AATF: variants seen among roughly 807,000 people sequenced by gnomAD.
The protein encoded by AATF is apoptosis antagonizing transcription factor.
A neutral mutation model predicts 63.7 loss-of-function variants in AATF; 48 were observed. The observed-to-expected ratio is 0.75, with a 90% CI of 0.60 to 0.96. The LOEUF is 0.96. Ranked by LOEUF, AATF falls within the 40% of genes least tolerant of loss-of-function variation. AATF has a pLI of 0.00. For synonymous variants in AATF, 258 were observed against 247.7 expected (o/e 1.04, Z -0.39); for missense variants, 639 against 685.7 (o/e 0.93, Z 0.76).
chr17:36,992,913 G>C (rs879685904), intron 8 of AATF, among the ~76,000 whole-genome samples: 1 of 152,196 alleles, frequency 6.6e-6, no homozygotes, highest in Non-Finnish European at 1.5e-5. Context: ...AATTGGAGTT[G>C]TTTCAGCCTT....
At chr17:37,051,043 G>A (rs1387904906) in intron 11 of AATF, 1 of 152,184 alleles carries the variant, frequency 6.6e-6, no homozygotes, top group Non-Finnish European at 1.5e-5. Context: ...CCAAAGTGCT[G>A]GGATTACATG....
chr17:36,984,849 G>T (rs1474330751), intron 4 of AATF, among the ~76,000 whole-genome samples: 1 of 151,350 alleles, frequency 6.6e-6, no homozygotes, highest in East Asian at 1.9e-4. Context: ...TGTTCAGCAG[G>T]CTGGACTCAA....
chr17:37,033,571 A>G (rs771473925), intron 11 of AATF, among the ~76,000 whole-genome samples: 3 of 152,184 alleles, frequency 2.0e-5, no homozygotes, highest in Admixed American at 6.5e-5. Flanking sequence ...AAGGTCTACT[A>G]TTTGCTAGAC....
intron 5 of AATF, among the ~76,000 whole-genome samples, chr17:36,988,087 G>A (rs1297880171): frequency 6.6e-6 from 1 of 152,192 alleles, no homozygotes. Flanking sequence ...GCCGAGGCAG[G>A]TGGATCACTG....
chr17:37,015,819 G>C (rs531560442), intron 8 of AATF, among the ~76,000 whole-genome samples: 1 of 152,320 alleles, frequency 6.6e-6, no homozygotes, highest in South Asian at 2.1e-4. Flanking sequence ...AGAGGTTTCA[G>C]AGATTAACAT....
At chr17:36,972,941 T>C (rs1038298476) in intron 4 of AATF, among the ~76,000 whole-genome samples, 1 of 152,172 alleles carries the variant, frequency 6.6e-6, no homozygotes. Flanking sequence ...TCATAATCAA[T>C]GCAAGTCAGA....
In AATF at chr17:36,989,265, CG is replaced by C; in HGVS notation, c.1169del (p.Arg390ProfsTer4). The C allele has an allele frequency of 6.2e-7, 1 of 1,611,966 alleles. No homozygotes were observed. Among genetic ancestry groups the C allele is most frequent in the South Asian group, 1.1e-5 (1 of 90,738 alleles). ...GTTGCAGGGTTTTGGTGCCTTTGAACGCTCAATCTTGACTCAGATCGACCAT... is the reference window on the plus strand; with the variant it reads ...GTTGCAGGGTTTTGGTGCCTTTGAACCTCAATCTTGACTCAGATCGACCAT... The part of the protein sequence containing the change: ...KLGKGFGAFE[R>X]SILTQIDHIL... On this transcript the variant is annotated frameshift_variant, in exon 7 of 12. Transcript: ENST00000619387. LOFTEE classifies it high-confidence loss of function.
chr17:37,053,296 C>A lies in AATF; in HGVS notation c.1620-3305C>A, dbSNP rs556245782. Among the ~76,000 whole-genome samples the A allele has an allele frequency of 4.0e-5, 6 of 151,876 alleles. No individual in the cohort carries two copies. In the East Asian group the frequency reaches 5.8e-4, roughly 15 times the overall value. ...TCACTAAAATTAGGATATATTATAT[C>A]ATATTATTATATATTGATTATATCC... On this transcript the variant is annotated intron_variant, in intron 11 of 11. Transcript: ENST00000619387.
At chr17:37,015,449 C>G (rs1389241910) in intron 8 of AATF, among the ~76,000 whole-genome samples, 1 of 152,130 alleles carries the variant, frequency 6.6e-6, no homozygotes, top group Non-Finnish European at 1.5e-5. Context: ...AAGATGGTGC[C>G]TTGATGCTGA....
chr17:37,054,742 G>T (rs2071783841), intron 11 of AATF: 1 of 152,272 alleles, frequency 6.6e-6, no homozygotes, highest in Admixed American at 6.5e-5. Context: ...GCAGGCAAGC[G>T]CGGCGAGGCT....
intron 4 of AATF, among the ~76,000 whole-genome samples, chr17:36,965,072 A>G (rs141185248): frequency 2.6e-4 from 40 of 152,292 alleles, no homozygotes; most frequent in African/African-American, 9.4e-4. Flanking sequence ...GATTGGGTAG[A>G]CCTTTCTAGA....
chr17:37,012,487 C>T (rs1172274526), intron 8 of AATF, among the ~76,000 whole-genome samples: 4 of 152,098 alleles, frequency 2.6e-5, no homozygotes, highest in Non-Finnish European at 2.9e-5. Context: ...AAGAGTAAAC[C>T]CAATCCTTTG....
intron 4 of AATF, among the ~76,000 whole-genome samples, chr17:36,967,556 A>C (rs1247777123): frequency 6.6e-6 from 1 of 152,186 alleles, no homozygotes. Context: ...TCAGGTGTCC[A>C]GCTGTCATGC....
At chr17:36,951,901 A>G (rs1194257143) in intron 2 of AATF, among the ~76,000 whole-genome samples, 1 of 152,190 alleles carries the variant, frequency 6.6e-6, no homozygotes, top group Non-Finnish European at 1.5e-5. Context: ...GTTTTTGGAA[A>G]CTGGTCCCTC....
chr17:36,966,839 A>AAAT (rs1461473878), intron 4 of AATF, among the ~76,000 whole-genome samples: 30 of 152,218 alleles, frequency 2.0e-4, no homozygotes, highest in Non-Finnish European at 1.6e-4. Context: ...CCTGGCCTCA[A>AAAT]GTGATCCTCC....
At chr17:37,000,373 A>C (rs2142262370) in intron 8 of AATF, among the ~76,000 whole-genome samples, 1 of 152,228 alleles carries the variant, frequency 6.6e-6, no homozygotes, top group East Asian at 1.9e-4. Flanking sequence ...GTTGGGAAAA[A>C]ACAGTGAGAG....
intron 8 of AATF, among the ~76,000 whole-genome samples, chr17:37,008,280 A>AC (rs2071357272): frequency 6.6e-6 from 1 of 152,198 alleles, no homozygotes; most frequent in Non-Finnish European, 1.5e-5. Flanking sequence ...AAGTCCCAAA[A>AC]CAACTTTGTG....
At chr17:37,021,673 C>T (rs1307646805) in intron 10 of AATF, among the ~76,000 whole-genome samples, 1 of 82,590 alleles carries the variant, frequency 1.2e-5, no homozygotes, top group East Asian at 2.7e-4. Context: ...GGCGTAGTGG[C>T]GGGCGCCTGT....
chr17:36,994,621 A>G (rs1218247940), intron 8 of AATF, among the ~76,000 whole-genome samples: 2 of 152,246 alleles, frequency 1.3e-5, no homozygotes, highest in East Asian at 1.9e-4. Context: ...TTCACAAAAC[A>G]TGAAGGTTGT....
Sources: allele counts gnomAD v4.1 joint callset (sites outside exome capture counted in the v4.1 genomes callset), GRCh38; gene constraint gnomAD v4.1.1; transcripts MANE v1.5; gene names NCBI Gene and HGNC (gene_info 2026-07-23, HGNC 2026-07-21).